The following ADGRA3 variants were observed in gnomAD, a reference collection of about 807,000 sequenced individuals.
ADGRA3 encodes the protein G-protein coupled receptor 125.
In ADGRA3, 56 loss-of-function variants were observed where a neutral mutation model predicts 119.8. That is an observed-to-expected ratio of 0.47 (90% CI 0.38 to 0.58). The LOEUF (loss-of-function observed/expected upper bound fraction) is 0.58. ADGRA3 is among the 20% of genes least tolerant of loss of function. The pLI, the probability that ADGRA3 is intolerant of heterozygous loss-of-function variation, is 0.00. For missense variants in ADGRA3, 1,516 were observed against 1,649.0 expected (o/e 0.92, Z 1.40); for synonymous variants, 607 against 623.8 (o/e 0.97, Z 0.40).
chr4:22,435,387 T>C lies in ADGRA3; in HGVS notation c.1367A>G (p.Asp456Gly), dbSNP rs761996323. ...TGCCACAAATATAACATCCATTTTGTCAGAAAAGTTGGCTGCTTCCACAGT... is the reference window on the plus strand; with the variant it reads ...TGCCACAAATATAACATCCATTTTGCCAGAAAAGTTGGCTGCTTCCACAGT... ...AYTVEAANFS[D>G]KMDVIFVAEM... Residue 456 changes from aspartate (D) to glycine (G), a missense_variant, in exon 10 of 19, where the codon GAC becomes GGC. Physicochemically the swap from Asp to Gly is moderately conservative, Grantham distance 94 (BLOSUM62 -1). Transcript: ENST00000334304. 1 of 1,613,702 alleles carries C rather than the reference T, an allele frequency of 6.2e-7. No homozygotes were observed. Among genetic ancestry groups the C allele is most frequent in the Admixed American group, 1.7e-5 (1 of 60,002 alleles).
At chr4:22,409,564 A>G (rs1204669338) in intron 14 of ADGRA3, among the ~76,000 whole-genome samples, 1 of 152,152 alleles carries the variant, frequency 6.6e-6, no homozygotes, top group African/African-American at 2.4e-5. Flanking sequence ...TGATGACAGT[A>G]CTATTTCTCA....
Position 22,387,744 on chromosome 4 carries a change from A to G in ADGRA3, c.3927T>C (p.Asn1309=), listed in dbSNP as rs1450624636. 6.2e-7 allele frequency: 1 copy of G among 1,613,256 alleles called. No individual in the cohort carries two copies. The highest frequency in any genetic ancestry group is 8.5e-7 in the Non-Finnish European group (1 of 1,179,614). Reference sequence around the variant, plus strand: ...CGTGTTTCCATAATCCAGTCCTAACATTGCCAGTGCTATCGGTACCGAGCA... The same window carrying G: ...CGTGTTTCCATAATCCAGTCCTAACGTTGCCAGTGCTATCGGTACCGAGCA... ...GPLLGTDSTG[N]VRTGLWKHET... Residue 1309 remains asparagine (N), a synonymous_variant, in exon 19 of 19, where the codon AAT becomes AAC. Coordinates refer to ENST00000334304, the MANE Select transcript of ADGRA3 (RefSeq NM_145290.4).
intron 1 of ADGRA3, among the ~76,000 whole-genome samples, chr4:22,513,549 T>A (rs1473659392): frequency 1.3e-5 from 2 of 151,434 alleles, no homozygotes; most frequent in African/African-American, 2.4e-5. Flanking sequence ...TCTCACTCTG[T>A]TACATAGGCT....
chr4:22,509,058 T>C (rs1026367067), intron 1 of ADGRA3, among the ~76,000 whole-genome samples: 3 of 152,000 alleles, frequency 2.0e-5, no homozygotes, highest in Admixed American at 6.6e-5. Context: ...CCAGATGGGA[T>C]TGCACCAGGT....
intron 16 of ADGRA3, among the ~76,000 whole-genome samples, chr4:22,395,284 G>A (rs1714303805): frequency 6.6e-6 from 1 of 152,120 alleles, no homozygotes; most frequent in Admixed American, 6.5e-5. Context: ...ACATACTAGA[G>A]TTCATTTAAC....
chr4:22,488,699 CA>C (rs1718524309), intron 1 of ADGRA3, among the ~76,000 whole-genome samples: 1 of 152,172 alleles, frequency 6.6e-6, no homozygotes, highest in South Asian at 2.1e-4. Context: ...TACAGAAATA[CA>C]AAAGCAGACA....
chr4:22,429,223 T>C (rs1420221606), intron 10 of ADGRA3, among the ~76,000 whole-genome samples: 2 of 152,208 alleles, frequency 1.3e-5, no homozygotes, highest in Non-Finnish European at 2.9e-5. Flanking sequence ...CCTAAGGTGT[T>C]ACTGAAATAA....
At chr4:22,455,784 A>T (rs1420032823) in intron 3 of ADGRA3, 10 of 1,280,878 alleles carry the variant, frequency 7.8e-6, no homozygotes, top group Non-Finnish European at 9.2e-6. Flanking sequence ...TTGGGAGATA[A>T]CCACTGACAA....
intron 10 of ADGRA3, among the ~76,000 whole-genome samples, chr4:22,426,435 C>A (rs550543506): frequency 6.6e-6 from 1 of 152,270 alleles, no homozygotes; most frequent in South Asian, 2.1e-4. Flanking sequence ...TTATCAATGT[C>A]CATGTATCCG....
At chr4:22,404,749 C>T (rs986857844) in intron 14 of ADGRA3, among the ~76,000 whole-genome samples, 9 of 152,170 alleles carry the variant, frequency 5.9e-5, no homozygotes, top group Non-Finnish European at 1.2e-4. Flanking sequence ...TAACACTAGC[C>T]TGTAATACAT....
At chr4:22,484,687 G>C (rs1718372349) in intron 1 of ADGRA3, among the ~76,000 whole-genome samples, 1 of 151,776 alleles carries the variant, frequency 6.6e-6, no homozygotes, top group Non-Finnish European at 1.5e-5. Context: ...TTCAGCATGA[G>C]AAGGCTGGGG....
intron 1 of ADGRA3, among the ~76,000 whole-genome samples, chr4:22,501,830 T>C (rs532094743): frequency 1.3e-5 from 2 of 152,078 alleles, no homozygotes; most frequent in South Asian, 4.2e-4. Context: ...AAAAAAAAAG[T>C]ATTACAAAGT....
chr4:22,505,771 C>T (rs1441615484), intron 1 of ADGRA3, among the ~76,000 whole-genome samples: 1 of 151,876 alleles, frequency 6.6e-6, no homozygotes, highest in African/African-American at 2.4e-5. Context: ...CACATCTAAC[C>T]GAGGGGAGGT....
At chr4:22,444,297 T>G (rs1716745399) in intron 6 of ADGRA3, among the ~76,000 whole-genome samples, 1 of 152,298 alleles carries the variant, frequency 6.6e-6, no homozygotes, top group African/African-American at 2.4e-5. Flanking sequence ...CAGTTATTTT[T>G]TTTTTGAGAT....
chr4:22,393,835 C>T (rs1005521349), intron 16 of ADGRA3: 2 of 152,098 alleles, frequency 1.3e-5, no homozygotes, highest in African/African-American at 4.8e-5. Context: ...CTAGGGGTTT[C>T]GTAGGAATTG....
chr4:22,406,260 A>G (rs1397420318), intron 14 of ADGRA3, among the ~76,000 whole-genome samples: 1 of 152,172 alleles, frequency 6.6e-6, no homozygotes, highest in African/African-American at 2.4e-5. Context: ...TATCTTGGCT[A>G]TCGTGAATAG....
chr4:22,468,768 CAAA>C (rs534557483), intron 2 of ADGRA3, among the ~76,000 whole-genome samples: 1 of 104,334 alleles, frequency 9.6e-6, no homozygotes. Flanking sequence ...GACTCTGTCT[CAAA>C]AAAAAAAAAA....
At chr4:22,422,326 A>G (rs976144099) in intron 11 of ADGRA3, among the ~76,000 whole-genome samples, 5 of 152,216 alleles carry the variant, frequency 3.3e-5, no homozygotes, top group Non-Finnish European at 7.3e-5. Context: ...TTAAAAATAC[A>G]AAAAGTAAAG....
At chr4:22,455,752 G>A (rs1717214154) in intron 3 of ADGRA3, 2 of 1,154,942 alleles carry the variant, frequency 1.7e-6, no homozygotes, top group African/African-American at 1.6e-5. Context: ...ACCTGCACTG[G>A]TTTAAAAGTA....
Sources: allele counts gnomAD v4.1 joint callset (sites outside exome capture counted in the v4.1 genomes callset), GRCh38; gene constraint gnomAD v4.1.1; transcripts MANE v1.5; gene names NCBI Gene and HGNC (gene_info 2026-07-23, HGNC 2026-07-21).